The following DPYSL3 variants were observed in gnomAD, a reference collection of about 807,000 sequenced individuals.
DPYSL3 encodes dihydropyrimidinase like 3.
DPYSL3 carries 16 observed loss-of-function variants against 66.1 expected under a neutral mutation model. That is an observed-to-expected ratio of 0.24 (90% CI 0.16 to 0.37). The LOEUF (loss-of-function observed/expected upper bound fraction) is 0.37. DPYSL3 is among the 10% of genes least tolerant of loss of function. The probability of loss-of-function intolerance (pLI) is 1.00; values close to 1 mark genes in which losing one functional copy is unlikely to be tolerated. For missense variants in DPYSL3, 738 were observed against 916.2 expected, an observed-to-expected ratio of 0.81 and a Z score of 2.51; for synonymous variants, 338 against 345.1, an observed-to-expected ratio of 0.98 and a Z score of 0.23.
At chr5:147,410,460 T>A (rs1196212713) in intron 6 of DPYSL3, among the ~76,000 whole-genome samples, 9 of 152,140 alleles carry the variant, frequency 5.9e-5, no homozygotes, top group Non-Finnish European at 1.0e-4. Flanking sequence ...AAAGCCCCAC[T>A]GATGCTACCT....
chr5:147,464,432 C>CT (rs753306311), intron 1 of DPYSL3, among the ~76,000 whole-genome samples: 1 of 152,256 alleles, frequency 6.6e-6, no homozygotes, highest in South Asian at 2.1e-4. Context: ...CTACTGAACT[C>CT]TAAGTTGCAG....
At chr5:147,418,924 C>T (rs928437726) in intron 2 of DPYSL3, among the ~76,000 whole-genome samples, 1 of 152,084 alleles carries the variant, frequency 6.6e-6, no homozygotes, top group Non-Finnish European at 1.5e-5. Flanking sequence ...GTGTGTAATA[C>T]TTTTTTCATA....
intron 8 of DPYSL3, among the ~76,000 whole-genome samples, chr5:147,403,836 AC>A (rs1758261428): frequency 6.6e-6 from 1 of 152,108 alleles, no homozygotes; most frequent in South Asian, 2.1e-4. Context: ...CTGAAATAAT[AC>A]CCCCATTCCA....
chr5:147,402,379 G>A (rs1434359449), intron 8 of DPYSL3, among the ~76,000 whole-genome samples: 3 of 126,396 alleles, frequency 2.4e-5, no homozygotes, highest in Admixed American at 7.7e-5. Flanking sequence ...ACGGAGTCTC[G>A]CTCTGTCGCC....
chr5:147,436,546 G>A (rs1752417942), intron 1 of DPYSL3, among the ~76,000 whole-genome samples: 1 of 151,890 alleles, frequency 6.6e-6, no homozygotes, highest in Non-Finnish European at 1.5e-5. Context: ...AGGTTGTAGG[G>A]GTCCTTTTAA....
At chr5:147,496,589 G>C (rs957729801) in intron 1 of DPYSL3, among the ~76,000 whole-genome samples, 2 of 152,036 alleles carry the variant, frequency 1.3e-5, no homozygotes, top group Non-Finnish European at 2.9e-5. Flanking sequence ...AGTGGGTGAA[G>C]GATATGAACA....
chr5:147,469,754 G>A (rs1299885776), intron 1 of DPYSL3, among the ~76,000 whole-genome samples: 1 of 152,100 alleles, frequency 6.6e-6, no homozygotes, highest in Admixed American at 6.5e-5. Context: ...ATTCTCACTG[G>A]TATAATATTG....
At chr5:147,468,205 G>C (rs561636291) in intron 1 of DPYSL3, among the ~76,000 whole-genome samples, 2 of 152,224 alleles carry the variant, frequency 1.3e-5, no homozygotes, top group East Asian at 3.9e-4. Flanking sequence ...GGAAAACAAT[G>C]ATTTTTAACA....
At chr5:147,451,600 G>A (rs1445326752) in intron 1 of DPYSL3, among the ~76,000 whole-genome samples, 1 of 152,160 alleles carries the variant, frequency 6.6e-6, no homozygotes, top group African/African-American at 2.4e-5. Context: ...GTCACAGGCT[G>A]AGTCCAGAAG....
intron 1 of DPYSL3, among the ~76,000 whole-genome samples, chr5:147,426,000 ACCATCCATCCATCCATCCATCCAT>A (rs375856381): frequency 2.0e-5 from 3 of 150,016 alleles, no homozygotes; most frequent in Admixed American, 1.3e-4. Flanking sequence ...TTCAACTCCA[ACCATCCATCCATCCATCCATCCAT>A]CCATCCATCC....
chr5:147,396,527 G>A (rs1348097821), intron 12 of DPYSL3, among the ~76,000 whole-genome samples: 2 of 152,194 alleles, frequency 1.3e-5, no homozygotes, highest in African/African-American at 4.8e-5. Context: ...TGACCGTGCA[G>A]GATGGATCAT....
rs148457182 is a variant in DPYSL3, at chr5:147,401,380, C to T, written c.1310+160G>A. On this transcript the variant is annotated intron_variant, in intron 9 of 13. Transcript: ENST00000343218. ...TGTTTAAAACAGGATGGGGAAGAGC[C>T]TGCTTTCTACGCTCAAGACTGTAAA... is the stretch of plus-strand genomic sequence containing the variant. Among the ~76,000 whole-genome samples the T allele has an allele frequency of 2.2e-3, 334 of 152,254 alleles. 5 individuals carry two copies. The highest frequency in any genetic ancestry group is 0.02 in the South Asian group (95 of 4,830).
chr5:147,427,063 T>A (rs1040400628), intron 1 of DPYSL3, among the ~76,000 whole-genome samples: 2 of 152,322 alleles, frequency 1.3e-5, no homozygotes, highest in Admixed American at 6.5e-5. Flanking sequence ...GCAGTTCTTG[T>A]CACATTATCA....
chr5:147,479,486 AAAG>A (rs1247509472), intron 1 of DPYSL3, among the ~76,000 whole-genome samples: 5 of 152,210 alleles, frequency 3.3e-5, no homozygotes, highest in African/African-American at 1.2e-4. Flanking sequence ...GAGAATGAAA[AAAG>A]GAGGTGAAAC....
chr5:147,426,590 A>G (rs1225751607), intron 1 of DPYSL3, among the ~76,000 whole-genome samples: 1 of 152,142 alleles, frequency 6.6e-6, no homozygotes, highest in East Asian at 1.9e-4. Flanking sequence ...GGGCAGGGAG[A>G]CATCATATGC....
rs569994196 is a variant in DPYSL3 at position 147,475,184 on chromosome 5, A to C, written c.381+34294T>G. On this transcript the variant is annotated intron_variant, in intron 1 of 13. Coordinates refer to ENST00000343218, the MANE Select transcript of DPYSL3 (RefSeq NM_001197294.2). ...AGCAGGTCTATTCATAATAGCTAAAACCTGGAAACACCCCAAATATCCTTC... is the reference window on the plus strand; with the variant it reads ...AGCAGGTCTATTCATAATAGCTAAACCCTGGAAACACCCCAAATATCCTTC... 4.4e-4 allele frequency among the ~76,000 whole-genome samples: 67 copies of C among 152,160 alleles called. No individual in the cohort carries two copies. The South Asian group carries it at 0.014, about 31-fold the overall frequency.
intron 1 of DPYSL3, among the ~76,000 whole-genome samples, chr5:147,450,980 G>C (rs1297442587): frequency 6.6e-6 from 1 of 152,110 alleles, no homozygotes; most frequent in Non-Finnish European, 1.5e-5. Context: ...AATCATATTT[G>C]CTGCACATGA....
intron 1 of DPYSL3, chr5:147,454,314 G>A (rs1411395860): frequency 6.6e-6 from 1 of 152,268 alleles, no homozygotes; most frequent in African/African-American, 2.4e-5. Flanking sequence ...TGCTCGCGGG[G>A]TGGTAAACAG....
At chr5:147,394,676 C>T (rs1340721045) in intron 13 of DPYSL3, among the ~76,000 whole-genome samples, 2 of 139,986 alleles carry the variant, frequency 1.4e-5, no homozygotes, top group Admixed American at 7.2e-5. Context: ...CAGAGAACAA[C>T]AACAACAAAA....
Sources: allele counts gnomAD v4.1 joint callset (sites outside exome capture counted in the v4.1 genomes callset), GRCh38; gene constraint gnomAD v4.1.1; transcripts MANE v1.5; gene names NCBI Gene and HGNC (gene_info 2026-07-23, HGNC 2026-07-21).